CMPK1: variants seen among roughly 807,000 people sequenced by gnomAD.
CMPK1 encodes the protein cytidine/uridine monophosphate kinase 1, also known as UMP-CMP kinase.
A neutral mutation model predicts 25.7 loss-of-function variants in CMPK1; 10 were observed. The ratio of observed to expected loss-of-function variants is 0.39; its 90% CI spans 0.24 to 0.66. CMPK1 has a LOEUF of 0.66. Among genes scored for constraint, CMPK1 ranks in the 30% least tolerant of loss-of-function variants. The probability of loss-of-function intolerance (pLI) is 0.48; values close to 1 mark genes in which losing one functional copy is unlikely to be tolerated. For synonymous variants in CMPK1, 106 were observed against 101.5 expected (o/e 1.04, Z -0.27); for missense variants, 199 against 280.5 (o/e 0.71, Z 2.08).
chr1:47,365,143 A>G (rs1458252436), intron 1 of CMPK1, among the ~76,000 whole-genome samples: 1 of 152,172 alleles, frequency 6.6e-6, no homozygotes, highest in Non-Finnish European at 1.5e-5. Flanking sequence ...TCTATAATGC[A>G]AGAGAAGCTC....
chr1:47,367,763 T>C (rs1360603889), intron 1 of CMPK1, among the ~76,000 whole-genome samples: 2 of 152,056 alleles, frequency 1.3e-5, no homozygotes, highest in Non-Finnish European at 2.9e-5. Flanking sequence ...GCTTTTCTTT[T>C]TGTTTTTCTT....
intron 1 of CMPK1, among the ~76,000 whole-genome samples, chr1:47,336,375 G>A (rs1054421090): frequency 1.3e-5 from 2 of 152,108 alleles, no homozygotes; most frequent in African/African-American, 4.8e-5. Flanking sequence ...GTTTTGTATG[G>A]TATTTGTGAA....
intron 1 of CMPK1, among the ~76,000 whole-genome samples, chr1:47,361,566 T>C (rs1177864355): frequency 6.6e-6 from 1 of 152,176 alleles, no homozygotes; most frequent in African/African-American, 2.4e-5. Flanking sequence ...CCAATCACAG[T>C]TACAGTGGTC....
At chr1:47,335,438 A>G (rs555253660) in intron 1 of CMPK1, among the ~76,000 whole-genome samples, 8 of 152,218 alleles carry the variant, frequency 5.3e-5, no homozygotes, top group African/African-American at 1.9e-4. Context: ...GGAGTTCGAG[A>G]CCAGCCTGGC....
intron 1 of CMPK1, among the ~76,000 whole-genome samples, chr1:47,364,159 T>C (rs1046458774): frequency 7.9e-5 from 12 of 151,978 alleles, no homozygotes; most frequent in Non-Finnish European, 1.5e-4. Context: ...CCTTTAGATA[T>C]GGGTTCATGG....
intron 1 of CMPK1, among the ~76,000 whole-genome samples, chr1:47,359,383 T>C (rs1344679735): frequency 1.1e-5 from 1 of 93,052 alleles, no homozygotes; most frequent in Non-Finnish European, 2.1e-5. Flanking sequence ...AGAAACCTTT[T>C]TTCTTTTTTT....
chr1:47,376,215 A>G (rs903798179), intron 5 of CMPK1, among the ~76,000 whole-genome samples: 3 of 151,876 alleles, frequency 2.0e-5, no homozygotes, highest in African/African-American at 2.4e-5. Context: ...GAAACTAAGT[A>G]TGTGATTCAA....
intron 5 of CMPK1, among the ~76,000 whole-genome samples, chr1:47,376,181 A>G (rs1646706831): frequency 1.3e-5 from 2 of 151,888 alleles, no homozygotes; most frequent in South Asian, 4.1e-4. Context: ...TTTATATAAT[A>G]TTACTGTCTA....
chr1:47,352,178 G>A (rs1320765902), intron 1 of CMPK1, among the ~76,000 whole-genome samples: 1 of 152,064 alleles, frequency 6.6e-6, no homozygotes, highest in Non-Finnish European at 1.5e-5. Flanking sequence ...TCTTTTAATT[G>A]GGTTATATAT....
At position 47,377,799 on chromosome 1, in the gene CMPK1, T is replaced by C. The variant is rs1557435757; in HGVS notation, c.*1054T>C. On this transcript the variant is annotated 3_prime_UTR_variant, in exon 6 of 6. Transcript: ENST00000371873. ...AAATGTTTGATTCCCTTCCTTGCTA[T>C]TTTTATTCAGTAGATTTTTGTTTGG... 1 of 152,594 alleles carries C rather than the reference T, an allele frequency of 6.6e-6. No individual in the cohort carries two copies. Among genetic ancestry groups the C allele is most frequent in the Non-Finnish European group, 1.5e-5 (1 of 68,020 alleles). The allele number at this position is 152,594 out of a possible 1,614,324, so 9.5% of individuals were successfully genotyped here.
chr1:47,337,543 C>T (rs938613736), intron 1 of CMPK1, among the ~76,000 whole-genome samples: 1 of 151,956 alleles, frequency 6.6e-6, no homozygotes, highest in African/African-American at 2.4e-5. Context: ...AGCTGTCAAT[C>T]AACTAATTCC....
intron 1 of CMPK1, among the ~76,000 whole-genome samples, chr1:47,340,112 C>G (rs1646430412): frequency 7.0e-6 from 1 of 142,724 alleles, no homozygotes; most frequent in African/African-American, 2.6e-5. Flanking sequence ...GATGAGCTCT[C>G]CCTCTGTTGC....
chr1:47,376,235 T>G (rs1033947436), intron 5 of CMPK1, among the ~76,000 whole-genome samples: 2 of 151,812 alleles, frequency 1.3e-5, no homozygotes, highest in Non-Finnish European at 2.9e-5. Context: ...AAAAAATGAT[T>G]CATTTTGAAA....
intron 1 of CMPK1, among the ~76,000 whole-genome samples, chr1:47,362,980 G>C (rs1646614054): frequency 6.6e-6 from 1 of 152,180 alleles, no homozygotes; most frequent in Non-Finnish European, 1.5e-5. Flanking sequence ...AAGTTGGCCA[G>C]TAAATATCTG....
chr1:47,370,000 CG>C, intron 2 of CMPK1, among the ~76,000 whole-genome samples: 1 of 132,322 alleles, frequency 7.6e-6, no homozygotes, highest in Non-Finnish European at 1.7e-5. Flanking sequence ...CTGCAAGCTC[CG>C]CCTCCTGGGT....
intron 1 of CMPK1, chr1:47,358,472 A>G: frequency 8.6e-7 from 1 of 1,163,190 alleles, no homozygotes; most frequent in Non-Finnish European, 1.1e-6. Flanking sequence ...TAATAATGAT[A>G]TTTTGCTGTG....
At chr1:47,356,955 C>T (rs1030987914) in intron 1 of CMPK1, among the ~76,000 whole-genome samples, 113 of 141,634 alleles carry the variant, frequency 8.0e-4, no homozygotes, top group African/African-American at 2.8e-3. Flanking sequence ...GCCACCGCAC[C>T]TGGTCTGCCT....
chr1:47,343,266 C>T (rs1227604584), intron 1 of CMPK1, among the ~76,000 whole-genome samples: 2 of 151,276 alleles, frequency 1.3e-5, no homozygotes, highest in Non-Finnish European at 2.9e-5. Flanking sequence ...GGATTACAGG[C>T]ATGAGCCACA....
intron 1 of CMPK1, 33 bp downstream of exon 1, chr1:47,334,149 G>T (rs1300050983): frequency 2.1e-6 from 3 of 1,450,550 alleles, no homozygotes; most frequent in Non-Finnish European, 2.7e-6. Flanking sequence ...GCTCCTTGGG[G>T]CTTGACGGGA....
Sources: gnomAD v4.1 joint callset for allele counts (sites outside exome capture counted in the v4.1 genomes callset) on GRCh38, gnomAD v4.1.1 for gene constraint, MANE v1.5 for transcripts, NCBI Gene and HGNC (gene_info 2026-07-23, HGNC 2026-07-21) for gene names.